The following FGF13 variants were observed in gnomAD, a reference collection of about 807,000 sequenced individuals.
The protein encoded by FGF13 is fibroblast growth factor 13.
In FGF13, 2 loss-of-function variants were observed where a neutral mutation model predicts 19.5. The observed-to-expected ratio is 0.10, with a 90% CI of 0.04 to 0.32. The LOEUF (loss-of-function observed/expected upper bound fraction) is 0.32, where lower values mean the gene tolerates loss of function less well. Among genes scored for constraint, FGF13 ranks in the 10% least tolerant of loss-of-function variants. The pLI, the probability that FGF13 is intolerant of heterozygous loss-of-function variation, is 1.00. For synonymous variants in FGF13, 72 were observed against 76.9 expected, an observed-to-expected ratio of 0.94 and a Z score of 0.33; for missense variants, 113 against 192.7, an observed-to-expected ratio of 0.59 and a Z score of 2.45.
intron 1 of FGF13, among the ~76,000 whole-genome samples, chrX:139,095,767 C>G (rs1277678141): frequency 8.9e-6 from 1 of 111,897 alleles, no homozygotes; most frequent in Non-Finnish European, 1.9e-5. Context: ...TCTTTGTTCT[C>G]CCTTAGGGAT....
chrX:138,943,639 A>T (rs906748372), intron 1 of FGF13, among the ~76,000 whole-genome samples: 3 of 112,108 alleles, frequency 2.7e-5, no homozygotes, highest in Admixed American at 1.9e-4. Context: ...TGAATAGCTA[A>T]GTGGATCTTC....
At chrX:138,751,522 A>G (rs767559004) in intron 3 of FGF13, among the ~76,000 whole-genome samples, 1 of 111,855 alleles carries the variant, frequency 8.9e-6, no homozygotes, top group African/African-American at 3.3e-5. Flanking sequence ...TTGCTTTTAT[A>G]TCATTTCCAC....
chrX:138,749,060 C>G (rs1417550568), intron 3 of FGF13, among the ~76,000 whole-genome samples: 1 of 110,852 alleles, frequency 9.0e-6, no homozygotes, highest in Non-Finnish European at 1.9e-5. Context: ...TCAGTGTTTA[C>G]TGGAAGAGAC....
intron 3 of FGF13, among the ~76,000 whole-genome samples, chrX:138,769,674 T>C (rs1025481083): frequency 8.9e-6 from 1 of 112,012 alleles, no homozygotes; most frequent in Non-Finnish European, 1.9e-5. Flanking sequence ...AAAGTGAATA[T>C]TTTTCTGATT....
intron 1 of FGF13, among the ~76,000 whole-genome samples, chrX:138,976,937 G>T (rs12390704): frequency 9.0e-6 from 1 of 111,380 alleles, no homozygotes; most frequent in South Asian, 3.9e-4. Flanking sequence ...ATTTTAATAT[G>T]GATGCATTCC....
At chrX:138,790,509 C>T (rs1387232887) in intron 3 of FGF13, among the ~76,000 whole-genome samples, 1 of 110,999 alleles carries the variant, frequency 9.0e-6, no homozygotes, top group Non-Finnish European at 1.9e-5. Flanking sequence ...ATAGCCTATC[C>T]ATCACCTGGT....
chrX:138,830,218 C>T (rs1450887853), intron 3 of FGF13, among the ~76,000 whole-genome samples: 2 of 111,804 alleles, frequency 1.8e-5, no homozygotes, highest in East Asian at 5.6e-4. Context: ...GCCTAGATGG[C>T]TGTGAATAGA....
chrX:138,972,255 ATT>A (rs34661318), intron 1 of FGF13, among the ~76,000 whole-genome samples: 1 of 97,001 alleles, frequency 1.0e-5, no homozygotes, highest in Non-Finnish European at 2.0e-5. Flanking sequence ...TGGTAGTTCT[ATT>A]TTTTTTTTTT....
chrX:138,844,759 T>C (rs1209298506), intron 3 of FGF13, among the ~76,000 whole-genome samples: 2 of 110,566 alleles, frequency 1.8e-5, no homozygotes, highest in African/African-American at 6.6e-5. Context: ...CTTGCTTCTC[T>C]AGTCTCTCTC....
At chrX:138,876,700 T>A (rs1037801468) in intron 1 of FGF13, among the ~76,000 whole-genome samples, 1 of 112,249 alleles carries the variant, frequency 8.9e-6, no homozygotes. Context: ...GAGCTACCTA[T>A]GCTACGTCCT....
At chrX:139,130,787 T>C (rs1300255039) in intron 1 of FGF13, among the ~76,000 whole-genome samples, 1 of 112,250 alleles carries the variant, frequency 8.9e-6, no homozygotes, top group African/African-American at 3.2e-5. Context: ...TATACCAAAA[T>C]ATATGAAAAT....
intron 1 of FGF13, among the ~76,000 whole-genome samples, chrX:139,194,101 T>A (rs2084353318): frequency 8.9e-6 from 1 of 111,973 alleles, no homozygotes; most frequent in South Asian, 3.7e-4. Flanking sequence ...CCATCTCTCC[T>A]TGGTTACCCC....
intron 1 of FGF13, among the ~76,000 whole-genome samples, chrX:139,081,026 T>C (rs62603178): frequency 0.25 from 27,179 of 110,113 alleles, 3,391 homozygotes; most frequent in African/African-American, 0.48. Flanking sequence ...AGCCACCACC[T>C]TATCCTTCCC....
chrX:138,884,015 G>A (rs764080120), intron 1 of FGF13, among the ~76,000 whole-genome samples: 1 of 112,045 alleles, frequency 8.9e-6, no homozygotes, highest in East Asian at 2.8e-4. Flanking sequence ...CTAGCTTTGT[G>A]ATCTTGGGTA....
intron 1 of FGF13, among the ~76,000 whole-genome samples, chrX:138,937,882 C>T (rs1001640769): frequency 9.0e-6 from 1 of 111,644 alleles, no homozygotes; most frequent in Admixed American, 9.5e-5. Context: ...GAAATATAGA[C>T]GTCAACTGCA....
chrX:139,138,402 CCT>C (rs2083816323), intron 1 of FGF13, among the ~76,000 whole-genome samples: 1 of 111,478 alleles, frequency 9.0e-6, no homozygotes, highest in African/African-American at 3.3e-5. Context: ...CCACTCTGCC[CCT>C]CTCTCCCAAG....
chrX:139,131,382 G>GGTGTGTGTGT (rs10541863), intron 1 of FGF13, among the ~76,000 whole-genome samples: 3 of 91,441 alleles, frequency 3.3e-5, no homozygotes, highest in Admixed American at 1.3e-4. Flanking sequence ...AATATAGAGG[G>GGTGTGTGTGT]GTGTGTGTGT....
chrX:138,713,813 TAAG>T (rs1446707052), upstream of FGF13, among the ~76,000 whole-genome samples: 1 of 111,756 alleles, frequency 8.9e-6, no homozygotes, highest in Non-Finnish European at 1.9e-5. Context: ...GAATATATAA[TAAG>T]AATGGCGGGG....
chrX:139,004,168 C>T (rs1439293302), intron 1 of FGF13, among the ~76,000 whole-genome samples: 1 of 112,858 alleles, frequency 8.9e-6, no homozygotes, highest in Non-Finnish European at 1.9e-5. Context: ...CGAGCCCTGC[C>T]CCGCAGGAAG....
Sources: gnomAD v4.1 joint callset for allele counts (sites outside exome capture counted in the v4.1 genomes callset) on GRCh38, gnomAD v4.1.1 for gene constraint, MANE v1.5 for transcripts, NCBI Gene and HGNC (gene_info 2026-07-23, HGNC 2026-07-21) for gene names.